CACNB2: variants seen among roughly 807,000 people sequenced by gnomAD.
CACNB2 encodes the protein voltage-dependent L-type calcium channel subunit beta-2.
A neutral mutation model predicts 73.3 loss-of-function variants in CACNB2; 42 were observed. That is an observed-to-expected ratio of 0.57 (90% CI 0.45 to 0.74). The LOEUF is 0.74. Among genes scored for constraint, CACNB2 ranks in the 30% least tolerant of loss-of-function variants. The pLI, the probability that CACNB2 is intolerant of heterozygous loss-of-function variation, is 0.00. For missense variants in CACNB2, 940 were observed against 853.0 expected (o/e 1.10, Z -1.27); for synonymous variants, 348 against 310.3 (o/e 1.12, Z -1.28).
chr10:18,369,729 A>C (rs2042498618), intron 2 of CACNB2, among the ~76,000 whole-genome samples: 1 of 152,118 alleles, frequency 6.6e-6, no homozygotes, highest in South Asian at 2.1e-4. Context: ...CAACATGATG[A>C]AACCCTGTCT....
chr10:18,329,504 G>GAAAAAAA (rs11413915), intron 2 of CACNB2, among the ~76,000 whole-genome samples: 7 of 112,508 alleles, frequency 6.2e-5, no homozygotes, highest in African/African-American at 1.5e-4. Context: ...AGTAAAAAAA[G>GAAAAAAA]AAAAAAAAAA....
chr10:18,458,231 G>A (rs1471254612), intron 3 of CACNB2, among the ~76,000 whole-genome samples: 2 of 152,146 alleles, frequency 1.3e-5, no homozygotes, highest in Non-Finnish European at 2.9e-5. Context: ...ATATCTTCCT[G>A]TGGAGTCATA....
rs1041651294 is a variant in CACNB2, at chr10:18,355,488, G to A, written c.214-46436G>A. On this transcript the variant is annotated intron_variant, in intron 2 of 13. Coordinates refer to ENST00000324631, the MANE Select transcript of CACNB2 (RefSeq NM_201596.3). ...TGAATGATATCACACAAATGATTAC[G>A]ACACTTGAATAAATGTGGCCTTTAT... Among the ~76,000 whole-genome samples, 5 of 151,924 alleles carry A rather than the reference G, an allele frequency of 3.3e-5. No homozygotes were observed. The South Asian group carries it at 6.3e-4, about 19-fold the overall frequency.
intron 2 of CACNB2, among the ~76,000 whole-genome samples, chr10:18,248,039 C>T (rs2036936078): frequency 6.6e-6 from 1 of 152,182 alleles, no homozygotes; most frequent in African/African-American, 2.4e-5. Flanking sequence ...AAAGGCCTCT[C>T]CTAATTCCAT....
rs7900656 is a variant in CACNB2 at position 18,468,315 on chromosome 10, G to T, written c.334-30040G>T. Among the ~76,000 whole-genome samples, 1,075 of 152,158 alleles carry T rather than the reference G, an allele frequency of 7.1e-3. 12 individuals are homozygous for T. The highest frequency in any genetic ancestry group is 0.025 in the African/African-American group (1,030 of 41,518). ...TCCACAAAAAACACTAAAAAAATTA[G>T]CTAGGCATAGTGGCATGCATATGTA... On this transcript the variant is annotated intron_variant, in intron 3 of 13. Transcript: ENST00000324631.
At chr10:18,429,821 A>AC (rs1356076024) in intron 3 of CACNB2, among the ~76,000 whole-genome samples, 1 of 151,628 alleles carries the variant, frequency 6.6e-6, no homozygotes, top group African/African-American at 2.4e-5. Context: ...AAAAAAAAAA[A>AC]AAAAACAAAT....
intron 3 of CACNB2, among the ~76,000 whole-genome samples, chr10:18,447,140 CATGGTGTACTACA>C (rs1421372110): frequency 6.6e-6 from 1 of 152,016 alleles, no homozygotes; most frequent in Admixed American, 6.6e-5. Context: ...TATTTTGAGA[CATGGTGTACTACA>C]TTTGGAGGAT....
rs200367454 is a variant in CACNB2, at chr10:18,498,401, C to G, written c.380C>G (p.Ala127Gly). The change falls in exon 4 of 14, where the codon GCG becomes GGG. Residue 127 changes from alanine (A) to glycine (G), a missense_variant. By Grantham distance (60) the Ala-to-Gly change is moderately conservative. Transcript: ENST00000324631. ...FAVRTNVSYS[A>G]AHEDDVPVPG... Reference sequence around the variant, plus strand: ...GTTCGGACAAATGTCAGCTACAGTGCGGCCCATGAAGATGATGTTCCAGTG... The same window carrying G: ...GTTCGGACAAATGTCAGCTACAGTGGGGCCCATGAAGATGATGTTCCAGTG... 10 of 1,613,984 alleles carry G rather than the reference C, an allele frequency of 6.2e-6. No homozygotes were observed. Among genetic ancestry groups the G allele is most frequent in the Non-Finnish European group, 8.5e-6 (10 of 1,179,884 alleles).
intron 2 of CACNB2, among the ~76,000 whole-genome samples, chr10:18,385,246 G>A (rs931754169): frequency 1.3e-5 from 2 of 150,718 alleles, no homozygotes; most frequent in African/African-American, 4.9e-5. Flanking sequence ...TTATGCCACT[G>A]CACTCCAGCC....
At chr10:18,400,928 C>G in intron 2 of CACNB2, 2 of 1,584,666 alleles carry the variant, frequency 1.3e-6, no homozygotes, top group Non-Finnish European at 1.7e-6. Flanking sequence ...GGGGCTTGCC[C>G]AGAGCATGGA....
intron 5 of CACNB2, among the ~76,000 whole-genome samples, chr10:18,502,511 A>T (rs1319260227): frequency 6.6e-6 from 1 of 150,496 alleles, no homozygotes; most frequent in Non-Finnish European, 1.5e-5. Context: ...CAACATTGTG[A>T]AACCCCGTCT....
intron 2 of CACNB2, among the ~76,000 whole-genome samples, chr10:18,237,879 A>T (rs928784635): frequency 1.4e-4 from 21 of 152,234 alleles, no homozygotes; most frequent in African/African-American, 5.1e-4. Context: ...GAATTAGCCC[A>T]GACAGGGGAT....
intron 11 of CACNB2, 134 bp from the exon 12 acceptor site, chr10:18,535,967 A>C (rs1267004841): frequency 1.6e-6 from 1 of 624,030 alleles, no homozygotes; most frequent in Non-Finnish European, 2.9e-6. Context: ...TTTTGCAGAT[A>C]ATCTTATAGC....
chr10:18,404,506 A>T (rs1245432881), intron 3 of CACNB2, among the ~76,000 whole-genome samples: 1 of 152,230 alleles, frequency 6.6e-6, no homozygotes, highest in Non-Finnish European at 1.5e-5. Context: ...AAATAGTTAA[A>T]AACACTTTGC....
At chr10:18,409,126 G>A (rs1236788496) in intron 3 of CACNB2, among the ~76,000 whole-genome samples, 6 of 152,106 alleles carry the variant, frequency 3.9e-5, no homozygotes, top group African/African-American at 1.2e-4. Flanking sequence ...GGTGAAACCC[G>A]TTTCTACTAA....
In CACNB2 at chr10:18,539,796, G is replaced by GTCTT. The variant is rs2053969248; in HGVS notation, c.*74_*77dup. The GTCTT allele has an allele frequency of 2.5e-5, 27 of 1,098,366 alleles. 2 individuals carry two copies. The Admixed American group carries it at 5.3e-4, about 22-fold the overall frequency. The allele number at this position is 1,098,366 out of a possible 1,614,324, so 68.0% of individuals were successfully genotyped here. A position where few individuals can be genotyped will look rare whatever the true frequency, so the allele number is the denominator to read the frequency against. ...TAACTAACAGCATCCCCAAAACAAA[G>GTCTT]TCTTTGGGGTCTACACTGCAATCAT... On this transcript the variant is annotated 3_prime_UTR_variant, in exon 14 of 14. Transcript: ENST00000324631.
At chr10:18,346,892 T>C (rs1274854118) in intron 2 of CACNB2, among the ~76,000 whole-genome samples, 1 of 152,002 alleles carries the variant, frequency 6.6e-6, no homozygotes, top group Non-Finnish European at 1.5e-5. Flanking sequence ...CCACTGCACC[T>C]GGCCTGTTAG....
chr10:18,220,228 T>G (rs200788168), intron 2 of CACNB2, among the ~76,000 whole-genome samples: 1,799 of 40,614 alleles, frequency 0.044, 53 homozygotes, highest in African/African-American at 0.055. Flanking sequence ...TATATATATA[T>G]ATATAGAGAG....
At chr10:18,513,101 C>G (rs1222221762) in intron 6 of CACNB2, 1 of 114,380 alleles carries the variant, frequency 8.7e-6, no homozygotes, top group Non-Finnish European at 1.7e-5. Flanking sequence ...TGACCATAAC[C>G]TTTTTTTTTT....
Sources: allele counts gnomAD v4.1 joint callset (sites outside exome capture counted in the v4.1 genomes callset), GRCh38; gene constraint gnomAD v4.1.1; transcripts MANE v1.5; gene names NCBI Gene and HGNC (gene_info 2026-07-23, HGNC 2026-07-21).